Variants in MACROH2A2 observed in about 807,000 individuals in gnomAD.
MACROH2A2 encodes core histone macro-H2A.2.
MACROH2A2 carries 6 observed loss-of-function variants against 37.6 expected under a neutral mutation model. The ratio of observed to expected loss-of-function variants is 0.16; its 90% confidence interval spans 0.09 to 0.32. The LOEUF (loss-of-function observed/expected upper bound fraction) is 0.32. MACROH2A2 is among the 10% of genes least tolerant of loss of function. MACROH2A2 has a pLI of 1.00. For synonymous variants in MACROH2A2, 192 were observed against 202.7 expected (o/e 0.95, Z 0.45); for missense variants, 290 against 485.9 (o/e 0.60, Z 3.79).
At chr10:70,071,926 A>T (rs1362273585) in intron 1 of MACROH2A2, among the ~76,000 whole-genome samples, 1 of 152,244 alleles carries the variant, frequency 6.6e-6, no homozygotes, top group African/African-American at 2.4e-5. Flanking sequence ...ATTATTGTAC[A>T]CTACTGTAGA....
At chr10:70,066,595 C>T (rs72642214) in intron 1 of MACROH2A2, among the ~76,000 whole-genome samples, 4 of 152,104 alleles carry the variant, frequency 2.6e-5, no homozygotes, top group African/African-American at 7.2e-5. Flanking sequence ...CTACAAAGAA[C>T]AATGTGATTG....
chr10:70,098,798 T>G (rs1183970496), intron 6 of MACROH2A2: 1 of 152,436 alleles, frequency 6.6e-6, no homozygotes, highest in Non-Finnish European at 1.5e-5. Context: ...TTGATGCCTC[T>G]TCTCTAGATT....
rs372319391 is a variant in MACROH2A2 at position 70,101,840 on chromosome 10, A to G, written c.778+1543A>G. On this transcript the variant is annotated intron_variant, in intron 7 of 8. Transcript: ENST00000373255. ...CATGGGTCAGTACTTATTCCTTTTCATGGCTGAATAATATTCCATTTTGTT... is the reference window on the plus strand; with the variant it reads ...CATGGGTCAGTACTTATTCCTTTTCGTGGCTGAATAATATTCCATTTTGTT... Among the ~76,000 whole-genome samples the G allele has an allele frequency of 1.6e-4, 25 of 152,274 alleles. No homozygotes were observed. In the South Asian group the frequency reaches 5.2e-3, roughly 32 times the overall value.
chr10:70,105,282 G>A (rs1416556279), intron 7 of MACROH2A2, among the ~76,000 whole-genome samples: 1 of 152,248 alleles, frequency 6.6e-6, no homozygotes, highest in Admixed American at 6.5e-5. Context: ...GCATCAGGAT[G>A]TGGATGTGAT....
At chr10:70,097,168 G>A (rs2072281054) in intron 6 of MACROH2A2, among the ~76,000 whole-genome samples, 2 of 152,318 alleles carry the variant, frequency 1.3e-5, no homozygotes, top group South Asian at 4.1e-4. Context: ...CTTGGGAGGA[G>A]AAATGGGCTA....
At chr10:70,105,181 A>G (rs2072329668) in intron 7 of MACROH2A2, among the ~76,000 whole-genome samples, 1 of 152,250 alleles carries the variant, frequency 6.6e-6, no homozygotes, top group African/African-American at 2.4e-5. Context: ...GCCAGGCAGC[A>G]GCAAGGAATA....
chr10:70,088,295 A>C (rs1446338132), intron 2 of MACROH2A2, among the ~76,000 whole-genome samples: 1 of 151,928 alleles, frequency 6.6e-6, no homozygotes, highest in Non-Finnish European at 1.5e-5. Flanking sequence ...GCACACATGC[A>C]CACTTTCCCC....
intron 2 of MACROH2A2, 134 bp from the exon 3 acceptor site, chr10:70,089,925 TG>T: frequency 1.4e-6 from 1 of 706,018 alleles, no homozygotes; most frequent in South Asian, 1.6e-5. Context: ...TTACGCTTCC[TG>T]GATTTCTTTC....
intron 2 of MACROH2A2, among the ~76,000 whole-genome samples, chr10:70,076,901 A>G (rs988133135): frequency 6.6e-6 from 1 of 151,800 alleles, no homozygotes; most frequent in Non-Finnish European, 1.5e-5. Flanking sequence ...CCACCAACCA[A>G]CATTTATTGG....
At chr10:70,063,810 A>G (rs544921458) in intron 1 of MACROH2A2, among the ~76,000 whole-genome samples, 1 of 152,328 alleles carries the variant, frequency 6.6e-6, no homozygotes, top group Admixed American at 6.5e-5. Context: ...TCAACAGCAG[A>G]CGGGAGATTG....
intron 3 of MACROH2A2, among the ~76,000 whole-genome samples, chr10:70,091,470 G>A (rs949894325): frequency 3.3e-5 from 5 of 152,154 alleles, no homozygotes; most frequent in African/African-American, 1.2e-4. Flanking sequence ...GAGGTCAGCC[G>A]TTCGAGACCA....
intron 1 of MACROH2A2, among the ~76,000 whole-genome samples, chr10:70,058,911 G>A (rs896289887): frequency 9.3e-5 from 13 of 139,938 alleles, no homozygotes; most frequent in African/African-American, 2.1e-4. Context: ...CCACCACCCC[G>A]CCAACAACCC....
intron 2 of MACROH2A2, among the ~76,000 whole-genome samples, chr10:70,081,131 C>G (rs993266007): frequency 4.0e-5 from 6 of 150,908 alleles, no homozygotes; most frequent in African/African-American, 1.5e-4. Context: ...ATGCTGGATC[C>G]AGCCAGGCCT....
intron 1 of MACROH2A2, among the ~76,000 whole-genome samples, chr10:70,056,951 T>G (rs1275119917): frequency 6.6e-6 from 1 of 152,164 alleles, no homozygotes; most frequent in African/African-American, 2.4e-5. Context: ...GATCATGTTT[T>G]TAAAAGGAGT....
intron 1 of MACROH2A2, among the ~76,000 whole-genome samples, chr10:70,059,310 A>G (rs888827769): frequency 6.6e-6 from 1 of 151,872 alleles, no homozygotes; most frequent in African/African-American, 2.4e-5. Context: ...TGAAGTTCCC[A>G]GGCACTTGCC....
At position 70,097,741 on chromosome 10, in the gene MACROH2A2, C is replaced by A. The variant is rs944029350; in HGVS notation, c.688+1988C>A. Among the ~76,000 whole-genome samples, 17 of 152,062 alleles carry A rather than the reference C, an allele frequency of 1.1e-4. 1 individual carries two copies. The highest frequency in any genetic ancestry group is 2.9e-5 in the Non-Finnish European group (2 of 68,014). On this transcript the variant is annotated intron_variant, in intron 6 of 8. Coordinates refer to ENST00000373255, the MANE Select transcript of MACROH2A2 (RefSeq NM_018649.3). ...CACAGCCACAATACCATTATTGTAC[C>A]CTTAAAAAGATAGCAATATCAACAA...
Position 70,100,251 on chromosome 10 carries a change from G to A in MACROH2A2, c.732G>A (p.Thr244=), listed in dbSNP as rs748596479. 1.6e-5 allele frequency: 25 copies of A among 1,611,824 alleles called. 1 individual carries two copies. The East Asian group carries it at 1.6e-4, about 10-fold the overall frequency. ...EKAGGKEFLE[T]VKELRKSQGP... Reference sequence around the variant, plus strand: ...CTGGGGGAAAAGAGTTCTTGGAAACGGTAAAGGAGCTTCGCAAATCCCAAG... The same window carrying A: ...CTGGGGGAAAAGAGTTCTTGGAAACAGTAAAGGAGCTTCGCAAATCCCAAG... The change falls in exon 7 of 9, where the codon ACG becomes ACA. Residue 244 remains threonine (T), a synonymous_variant. Coordinates refer to ENST00000373255, the MANE Select transcript of MACROH2A2 (RefSeq NM_018649.3).
At chr10:70,065,852 G>T (rs1327432349) in intron 1 of MACROH2A2, among the ~76,000 whole-genome samples, 1 of 152,152 alleles carries the variant, frequency 6.6e-6, no homozygotes, top group East Asian at 1.9e-4. Context: ...TGTTATAAAA[G>T]TCTAAGTTTT....
chr10:70,079,607 G>A (rs1014595545), intron 2 of MACROH2A2, among the ~76,000 whole-genome samples: 15 of 72,252 alleles, frequency 2.1e-4, no homozygotes, highest in Non-Finnish European at 3.8e-4. Context: ...ACACACACAC[G>A]GCAGAGGAGG....
Sources: gnomAD v4.1 joint callset for allele counts (sites outside exome capture counted in the v4.1 genomes callset) on GRCh38, gnomAD v4.1.1 for gene constraint, MANE v1.5 for transcripts, NCBI Gene and HGNC (gene_info 2026-07-23, HGNC 2026-07-21) for gene names.